The following TACC2 variants were observed in gnomAD, a reference collection of about 807,000 sequenced individuals.
TACC2 encodes the protein transforming acidic coiled-coil-containing protein 2.
Under a neutral mutation model 227.3 loss-of-function variants are expected in TACC2, and 137 were observed. The ratio of observed to expected loss-of-function variants is 0.60; its 90% CI spans 0.52 to 0.69. The LOEUF (loss-of-function observed/expected upper bound fraction) is 0.69, where lower values mean the gene tolerates loss of function less well. Ranked by LOEUF, TACC2 falls within the 30% of genes least tolerant of loss-of-function variation. The pLI is 0.00. For synonymous variants in TACC2, 1,523 were observed against 1,487.5 expected, an observed-to-expected ratio of 1.02 and a Z score of -0.55; for missense variants, 3,470 against 3,694.4, an observed-to-expected ratio of 0.94 and a Z score of 1.57.
intron 5 of TACC2, among the ~76,000 whole-genome samples, chr10:122,094,350 C>G (rs2081146621): frequency 6.6e-6 from 1 of 152,086 alleles, no homozygotes; most frequent in African/African-American, 2.4e-5. Flanking sequence ...GATTATAGCT[C>G]ACTCTAACCT....
chr10:122,123,323 T>A (rs2086205528), intron 5 of TACC2, among the ~76,000 whole-genome samples: 1 of 152,144 alleles, frequency 6.6e-6, no homozygotes, highest in Non-Finnish European at 1.5e-5. Flanking sequence ...GAAATCTTGT[T>A]ACTCACCTGG....
intron 7 of TACC2, among the ~76,000 whole-genome samples, chr10:122,158,610 T>C (rs2139713434): frequency 6.6e-6 from 1 of 152,192 alleles, no homozygotes; most frequent in Admixed American, 6.5e-5. Flanking sequence ...TTTGAAAGGT[T>C]CCAGGTGTAA....
At position 122,214,770 on chromosome 10, in the gene TACC2, T is replaced by A. The variant is rs189265176; in HGVS notation, c.7284-621T>A. 2.1e-3 allele frequency among the ~76,000 whole-genome samples: 313 copies of A among 152,310 alleles called. 2 individuals carry two copies. The highest frequency in any genetic ancestry group is 7.4e-3 in the African/African-American group (309 of 41,572). The stretch of plus-strand genomic sequence containing the variant: ...GGAGAGAAGAGCTGTGAATCTTGTC[T>A]GTTTACCATGGTTAGGAGAAGACAA... On this transcript the variant is annotated intron_variant, in intron 9 of 22. Transcript: ENST00000369005.
At chr10:122,034,791 G>A (rs536622287) in intron 2 of TACC2, among the ~76,000 whole-genome samples, 10 of 152,134 alleles carry the variant, frequency 6.6e-5, no homozygotes, top group East Asian at 1.9e-4. Context: ...TTAGCCGGGC[G>A]TGGTGGTGCA....
intron 7 of TACC2, among the ~76,000 whole-genome samples, chr10:122,183,811 C>T (rs1027523293): frequency 6.6e-6 from 1 of 152,138 alleles, no homozygotes; most frequent in African/African-American, 2.4e-5. Context: ...GTATGCCTGT[C>T]TTGGCTCTGC....
At chr10:122,070,753 CAA>C (rs367744186) in intron 3 of TACC2, among the ~76,000 whole-genome samples, 6 of 99,618 alleles carry the variant, frequency 6.0e-5, no homozygotes, top group Non-Finnish European at 5.8e-5. Context: ...AATTCCGTCT[CAA>C]AAAAAAAAAA....
chr10:122,241,599 T>TG, intron 18 of TACC2: 1 of 292,448 alleles, frequency 3.4e-6, no homozygotes, highest in East Asian at 6.8e-5. Context: ...TTAATTTTTT[T>TG]TTCATTTTTG....
chr10:122,078,470 C>T (rs903698168), intron 3 of TACC2, among the ~76,000 whole-genome samples: 3 of 152,158 alleles, frequency 2.0e-5, no homozygotes, highest in Non-Finnish European at 4.4e-5. Context: ...AGATGACCCC[C>T]TGCCAGCCCC....
At chr10:122,152,302 A>G (rs535447754) in intron 7 of TACC2, among the ~76,000 whole-genome samples, 2 of 152,356 alleles carry the variant, frequency 1.3e-5, no homozygotes, top group South Asian at 2.1e-4. Context: ...GCCAATGAAT[A>G]AAATCAGAAT....
chr10:122,105,903 G>T (rs541270418), intron 5 of TACC2, among the ~76,000 whole-genome samples: 1 of 151,518 alleles, frequency 6.6e-6, no homozygotes, highest in Non-Finnish European at 1.5e-5. Context: ...GATTACAGGC[G>T]TGAGCCACTG....
In TACC2 at chr10:122,238,043, T is replaced by C. The variant is rs1236461301; in HGVS notation, c.8348+6T>C. 5.6e-6 allele frequency: 9 copies of C among 1,613,588 alleles called. No individual in the cohort carries two copies. Among genetic ancestry groups the C allele is most frequent in the Non-Finnish European group, 7.6e-6 (9 of 1,179,584 alleles). On this transcript the variant is annotated splice_donor_region_variant and intron_variant, in intron 18 of 22. Coordinates refer to ENST00000369005, the MANE Select transcript of TACC2 (RefSeq NM_206862.4). The stretch of plus-strand genomic sequence containing the variant: ...CGGGAAGTGATGGAAATGAGGTCAG[T>C]TGGGGAGCTGGGCCTTCCTCGTGCC...
At chr10:122,097,660 C>T (rs1166704335) in intron 5 of TACC2, among the ~76,000 whole-genome samples, 2 of 151,892 alleles carry the variant, frequency 1.3e-5, no homozygotes, top group East Asian at 1.9e-4. Context: ...AATCCTGGCT[C>T]CCACTGGAGG....
intron 7 of TACC2, among the ~76,000 whole-genome samples, chr10:122,159,530 C>T (rs973341395): frequency 5.3e-5 from 8 of 152,186 alleles, no homozygotes; most frequent in Non-Finnish European, 8.8e-5. Context: ...GGCGTTCAGG[C>T]ACTGCTGGGT....
rs1435639179 is a variant in TACC2 at position 122,085,528 on chromosome 10, G to A, written c.3028G>A (p.Ala1010Thr). 3 of 1,613,320 alleles carry A rather than the reference G, an allele frequency of 1.9e-6. No homozygotes were observed. Among genetic ancestry groups the A allele is most frequent in the South Asian group, 1.1e-5 (1 of 91,088 alleles). ...ALEEGSQHEEACQRHPGASEA... is the reference protein window; with the variant it reads ...ALEEGSQHEETCQRHPGASEA... ...GGAAGAAGGCAGCCAGCATGAAGAA[G>A]CATGTCAAAGGCATCCAGGAGCTTC... Residue 1010 changes from alanine (A) to threonine (T), a missense_variant, in exon 4 of 23, where the codon GCA (alanine) becomes ACA (threonine). Ala to Thr is a moderately conservative substitution (Grantham distance 58). Coordinates refer to ENST00000369005, the MANE Select transcript of TACC2 (RefSeq NM_206862.4).
In TACC2 at chr10:122,025,068, A is replaced by G. The variant is rs114120469; in HGVS notation, c.33+3054A>G. Among the ~76,000 whole-genome samples, 671 of 152,214 alleles carry G rather than the reference A, an allele frequency of 4.4e-3. 4 individuals are homozygous for G. Among genetic ancestry groups the G allele is most frequent in the African/African-American group, 0.016 (647 of 41,542 alleles). The stretch of plus-strand genomic sequence containing the variant: ...ATCTGGTCTTTGGACCCTGGCTGTC[A>G]TTTGGTGGTGTCACTTTTTGGTGTT... On this transcript the variant is annotated intron_variant, in intron 2 of 22. Transcript: ENST00000369005.
At chr10:122,199,118 G>C (rs1296955769) in intron 8 of TACC2, among the ~76,000 whole-genome samples, 1 of 152,246 alleles carries the variant, frequency 6.6e-6, no homozygotes, top group Non-Finnish European at 1.5e-5. Flanking sequence ...GAGGTAATGG[G>C]GGCCTCCCTG....
At chr10:121,997,908 T>A (rs758196244) in intron 1 of TACC2, among the ~76,000 whole-genome samples, 2 of 151,998 alleles carry the variant, frequency 1.3e-5, no homozygotes, top group African/African-American at 2.4e-5. Flanking sequence ...GGGAGATTTG[T>A]CCATCTCAGC....
chr10:122,154,376 C>T (rs2092322365), intron 7 of TACC2, among the ~76,000 whole-genome samples: 1 of 152,244 alleles, frequency 6.6e-6, no homozygotes, highest in African/African-American at 2.4e-5. Context: ...AATGCTTATG[C>T]AAAGTAGCAA....
At chr10:122,053,059 G>A (rs2075876283) in intron 3 of TACC2, among the ~76,000 whole-genome samples, 1 of 152,174 alleles carries the variant, frequency 6.6e-6, no homozygotes, top group African/African-American at 2.4e-5. Flanking sequence ...TTCTGATCCT[G>A]AGTCCTTACC....
Sources: gnomAD v4.1 joint callset for allele counts (sites outside exome capture counted in the v4.1 genomes callset) on GRCh38, gnomAD v4.1.1 for gene constraint, MANE v1.5 for transcripts, NCBI Gene and HGNC (gene_info 2026-07-23, HGNC 2026-07-21) for gene names.